The following GRM5 variants were observed in gnomAD, a reference collection of about 807,000 sequenced individuals.
GRM5 encodes metabotropic glutamate receptor 5.
Under a neutral mutation model 83.1 loss-of-function variants are expected in GRM5, and 19 were observed. The ratio of observed to expected loss-of-function variants is 0.23; its 90% CI spans 0.16 to 0.34. The LOEUF (loss-of-function observed/expected upper bound fraction) is 0.34. GRM5 is among the 10% of genes least tolerant of loss of function. GRM5 has a pLI of 1.00. For synonymous variants in GRM5, 675 were observed against 633.6 expected, an observed-to-expected ratio of 1.07 and a Z score of -0.98; for missense variants, 1,160 against 1,588.3, an observed-to-expected ratio of 0.73 and a Z score of 4.58.
At chr11:88,626,210 T>C (rs1938791970) in intron 4 of GRM5, among the ~76,000 whole-genome samples, 1 of 152,222 alleles carries the variant, frequency 6.6e-6, no homozygotes, top group Admixed American at 6.5e-5. Context: ...CACAGCTTTG[T>C]ATAATGCCAT....
At chr11:88,556,570 C>T (rs1942633699) in intron 8 of GRM5, among the ~76,000 whole-genome samples, 1 of 152,100 alleles carries the variant, frequency 6.6e-6, no homozygotes, top group Non-Finnish European at 1.5e-5. Context: ...ATCCGCCTGC[C>T]TTAGCCTCCC....
chr11:88,995,379 T>C (rs1314099034), intron 2 of GRM5, among the ~76,000 whole-genome samples: 9 of 151,660 alleles, frequency 5.9e-5, no homozygotes, highest in Non-Finnish European at 7.4e-5. Flanking sequence ...ACCCCATCTC[T>C]ACTAAAATAC....
In GRM5 at chr11:88,677,947, A is replaced by G. The variant is rs562529003; in HGVS notation, c.912-24544T>C. ...ACCAACAGTTGGGCTCCACACATTT[A>G]AAAATGTTGAAATTAATAGATAGTA... On this transcript the variant is annotated intron_variant, in intron 3 of 9. Coordinates refer to ENST00000305447, the MANE Select transcript of GRM5 (RefSeq NM_001143831.3). Among the ~76,000 whole-genome samples the G allele has an allele frequency of 4.5e-4, 69 of 152,316 alleles. 1 individual carries two copies. In the South Asian group the frequency reaches 0.014, roughly 31 times the overall value.
chr11:88,648,329 A>G (rs1220826188), intron 4 of GRM5, among the ~76,000 whole-genome samples: 2 of 148,748 alleles, frequency 1.3e-5, no homozygotes, highest in African/African-American at 4.9e-5. Flanking sequence ...AGCCATAAAA[A>G]ATGATGAGTT....
At chr11:88,791,903 T>C (rs1159270380) in intron 3 of GRM5, among the ~76,000 whole-genome samples, 1 of 152,126 alleles carries the variant, frequency 6.6e-6, no homozygotes, top group South Asian at 2.1e-4. Context: ...TAATTTCTTA[T>C]TTAATAATTT....
chr11:88,713,402 A>G (rs1941324990), intron 3 of GRM5, among the ~76,000 whole-genome samples: 1 of 152,012 alleles, frequency 6.6e-6, no homozygotes, highest in South Asian at 2.1e-4. Flanking sequence ...TTCTATGAAG[A>G]TGAAACAAGT....
intron 7 of GRM5, among the ~76,000 whole-genome samples, chr11:88,571,993 G>T (rs560757270): frequency 3.4e-4 from 52 of 152,274 alleles, no homozygotes; most frequent in African/African-American, 1.2e-3. Context: ...AAGAAATTAT[G>T]AAGAAGATAG....
At chr11:88,708,399 T>C (rs1213261643) in intron 3 of GRM5, among the ~76,000 whole-genome samples, 4 of 152,088 alleles carry the variant, frequency 2.6e-5, no homozygotes, top group African/African-American at 9.7e-5. Context: ...CTTGTAGACA[T>C]CTCACATTTT....
At chr11:88,898,747 T>C (rs906666) in intron 2 of GRM5, among the ~76,000 whole-genome samples, 16,756 of 151,960 alleles carry the variant, frequency 0.11, 1,476 homozygotes, top group African/African-American at 0.22. Flanking sequence ...ATGATGTATT[T>C]TTCTTTCCAT....
intron 8 of GRM5, among the ~76,000 whole-genome samples, chr11:88,565,999 G>T (rs1049404813): frequency 6.6e-6 from 1 of 152,132 alleles, no homozygotes; most frequent in African/African-American, 2.4e-5. Context: ...TTTCCTGCAG[G>T]CTAAGTGATA....
At chr11:88,794,025 G>A (rs775281824) in intron 3 of GRM5, among the ~76,000 whole-genome samples, 2 of 152,084 alleles carry the variant, frequency 1.3e-5, no homozygotes, top group Non-Finnish European at 2.9e-5. Flanking sequence ...ATCTCTTTAT[G>A]TTTCTCAGGC....
chr11:88,725,415 C>T (rs1002665282), intron 3 of GRM5, among the ~76,000 whole-genome samples: 1 of 152,176 alleles, frequency 6.6e-6, no homozygotes, highest in Non-Finnish European at 1.5e-5. Flanking sequence ...CTCTCATCTC[C>T]TTGGGACAGA....
chr11:88,998,999 A>G (rs1384902456), intron 2 of GRM5, among the ~76,000 whole-genome samples: 2 of 152,176 alleles, frequency 1.3e-5, no homozygotes, highest in African/African-American at 4.8e-5. Flanking sequence ...AGGATTCCCT[A>G]TTTAATAAAT....
intron 2 of GRM5, among the ~76,000 whole-genome samples, chr11:88,893,846 T>A (rs1945187335): frequency 6.6e-6 from 1 of 151,820 alleles, no homozygotes; most frequent in Non-Finnish European, 1.5e-5. Context: ...TAACAGCAGT[T>A]AGGGTTACCA....
At chr11:88,729,885 T>C (rs1050263757) in intron 3 of GRM5, among the ~76,000 whole-genome samples, 3 of 152,174 alleles carry the variant, frequency 2.0e-5, no homozygotes, top group African/African-American at 7.2e-5. Flanking sequence ...TAACTCAAGA[T>C]GTGTTAAAGA....
At chr11:88,658,590 A>G (rs989593590) in intron 3 of GRM5, among the ~76,000 whole-genome samples, 1 of 152,328 alleles carries the variant, frequency 6.6e-6, no homozygotes, top group Non-Finnish European at 1.5e-5. Context: ...ATAAGTAACC[A>G]CATACAAATG....
chr11:88,577,708 C>T (rs1053278567), intron 7 of GRM5, among the ~76,000 whole-genome samples: 2 of 151,862 alleles, frequency 1.3e-5, no homozygotes, highest in Non-Finnish European at 2.9e-5. Context: ...TTGAAAGGAA[C>T]CATAGAAAGA....
intron 2 of GRM5, among the ~76,000 whole-genome samples, chr11:88,983,939 A>T (rs551574358): frequency 6.6e-6 from 1 of 152,198 alleles, no homozygotes; most frequent in Non-Finnish European, 1.5e-5. Context: ...AAAGTTAAAA[A>T]ATAAAAACTT....
intron 3 of GRM5, among the ~76,000 whole-genome samples, chr11:88,756,221 A>G (rs550334274): frequency 5.3e-5 from 8 of 152,302 alleles, no homozygotes; most frequent in East Asian, 3.9e-4. Context: ...AAGAAATACT[A>G]GTCATGAGTG....
Sources: gnomAD v4.1 joint callset for allele counts (sites outside exome capture counted in the v4.1 genomes callset) on GRCh38, gnomAD v4.1.1 for gene constraint, MANE v1.5 for transcripts, NCBI Gene and HGNC (gene_info 2026-07-23, HGNC 2026-07-21) for gene names.